INPP5A: variants seen among roughly 807,000 people sequenced by gnomAD.
INPP5A encodes the protein 43 kDa inositol polyphosphate 5-phophatase.
In INPP5A, 14 loss-of-function variants were observed where a neutral mutation model predicts 65.2. The observed-to-expected ratio is 0.21, with a 90% CI of 0.14 to 0.34. The LOEUF (loss-of-function observed/expected upper bound fraction) is 0.34, where lower values mean the gene tolerates loss of function less well. Ranked by LOEUF, INPP5A falls within the 10% of genes least tolerant of loss-of-function variation. INPP5A has a pLI of 1.00. For synonymous variants in INPP5A, 207 were observed against 208.3 expected (o/e 0.99, Z 0.05); for missense variants, 431 against 545.6 (o/e 0.79, Z 2.09).
chr10:132,712,911 CAT>C (rs1845671690), intron 8 of INPP5A, among the ~76,000 whole-genome samples: 1 of 135,550 alleles, frequency 7.4e-6, no homozygotes, highest in South Asian at 2.4e-4. Context: ...TAGGTGTGTG[CAT>C]GTGTGTGGGT....
rs954863735 is a variant in INPP5A at position 132,762,754 on chromosome 10, G to A, written c.904-3019G>A. On this transcript the variant is annotated intron_variant, in intron 11 of 15. Coordinates refer to ENST00000368594, the MANE Select transcript of INPP5A (RefSeq NM_005539.5). The surrounding 1 kb of genome is among the most constrained non-coding windows in gnomAD (Gnocchi z 4.6). ...TGGGCACGGTAGAACACTTGGGGAG[G>A]CCGAGGCAGGAGGATTGCTTGAGGC... is the stretch of plus-strand genomic sequence containing the variant. Among the ~76,000 whole-genome samples, 4 of 152,194 alleles carry A rather than the reference G, an allele frequency of 2.6e-5. No homozygotes were observed. The highest frequency in any genetic ancestry group is 7.2e-5 in the African/African-American group (3 of 41,438).
At chr10:132,635,246 T>TG (rs761052889) in intron 2 of INPP5A, among the ~76,000 whole-genome samples, 1 of 152,212 alleles carries the variant, frequency 6.6e-6, no homozygotes, top group South Asian at 2.1e-4. Flanking sequence ...GTGGTTGAAT[T>TG]GGGGTCTGCC....
chr10:132,601,727 T>G (rs1033161805), intron 1 of INPP5A, among the ~76,000 whole-genome samples: 4 of 152,232 alleles, frequency 2.6e-5, no homozygotes, highest in Admixed American at 2.6e-4. Flanking sequence ...CCCAGCCTCA[T>G]TTGTTGAAAG....
intron 8 of INPP5A, among the ~76,000 whole-genome samples, chr10:132,720,713 A>G (rs1414892830): frequency 1.5e-5 from 2 of 134,650 alleles, no homozygotes; most frequent in Non-Finnish European, 3.1e-5. Context: ...AGCTGTCTTC[A>G]GGGTTCTGTG....
rs181966399 is a variant in INPP5A, at chr10:132,763,605, G to A, written c.904-2168G>A. 2.2e-3 allele frequency among the ~76,000 whole-genome samples: 317 copies of A among 147,082 alleles called. 3 individuals are homozygous for A. Among genetic ancestry groups the A allele is most frequent in the African/African-American group, 6.6e-3 (258 of 39,164 alleles). ...TGTGCACACATAAACATGCCTGCAT[G>A]CAAACACACACATGCCTGTGCACAC... On this transcript the variant is annotated intron_variant, in intron 11 of 15. Transcript: ENST00000368594.
chr10:132,561,485 T>C (rs992547541), intron 1 of INPP5A, among the ~76,000 whole-genome samples: 1 of 152,154 alleles, frequency 6.6e-6, no homozygotes, highest in Non-Finnish European at 1.5e-5. Flanking sequence ...CTTGGCATCC[T>C]TGTTGGAAGT....
At chr10:132,687,759 T>A (rs1300749304) in intron 4 of INPP5A, among the ~76,000 whole-genome samples, 1 of 152,114 alleles carries the variant, frequency 6.6e-6, no homozygotes, top group Non-Finnish European at 1.5e-5. Context: ...AAGCGAGCAC[T>A]CGCACCTGCC....
chr10:132,545,929 G>A lies in INPP5A; in HGVS notation c.75+7758G>A, dbSNP rs1483154359. Among the ~76,000 whole-genome samples, 5 of 152,230 alleles carry A rather than the reference G, an allele frequency of 3.3e-5. No homozygotes were observed. Among genetic ancestry groups the A allele is most frequent in the Non-Finnish European group, 7.3e-5 (5 of 68,044 alleles). On this transcript the variant is annotated intron_variant, in intron 1 of 15. Transcript: ENST00000368594. The surrounding 1 kb of genome is among the most constrained non-coding windows in gnomAD (Gnocchi z 4.6). ...GGCCTGAGGTGATGAGAGTGTGGAT[G>A]GCACCTGCACTGTGTCCACTCTTTA...
intron 4 of INPP5A, among the ~76,000 whole-genome samples, chr10:132,673,962 C>T (rs553987415): frequency 5.3e-5 from 8 of 152,316 alleles, no homozygotes; most frequent in Admixed American, 2.6e-4. Flanking sequence ...CTCATGTTGC[C>T]GAGCCCATGG....
chr10:132,604,963 C>T (rs2133336159), intron 1 of INPP5A, among the ~76,000 whole-genome samples: 1 of 152,264 alleles, frequency 6.6e-6, no homozygotes, highest in East Asian at 1.9e-4. Flanking sequence ...GGTGGCTGTG[C>T]AGACCTGGAA....
At chr10:132,718,394 C>T (rs1476069998) in intron 8 of INPP5A, among the ~76,000 whole-genome samples, 2 of 150,910 alleles carry the variant, frequency 1.3e-5, no homozygotes, top group Non-Finnish European at 3.0e-5. Flanking sequence ...GTCTGGGCGC[C>T]TTAGACGACT....
chr10:132,648,931 A>T (rs375756714), intron 3 of INPP5A, among the ~76,000 whole-genome samples: 15 of 152,070 alleles, frequency 9.9e-5, no homozygotes, highest in Admixed American at 5.9e-4. Flanking sequence ...TTTGGGGAAA[A>T]TTTGTCCTTG....
At chr10:132,709,544 G>T (rs1032887487) in intron 7 of INPP5A, among the ~76,000 whole-genome samples, 2 of 152,160 alleles carry the variant, frequency 1.3e-5, no homozygotes, top group Non-Finnish European at 2.9e-5. Context: ...TTGGCATGGT[G>T]TGGGGGCACA....
chr10:132,773,991 G>A (rs549666762), intron 12 of INPP5A, among the ~76,000 whole-genome samples: 21 of 152,238 alleles, frequency 1.4e-4, no homozygotes, highest in Admixed American at 2.6e-4. Context: ...TAAACTCCTG[G>A]GCTCAAGTGA....
At chr10:132,711,664 T>G (rs1200065898) in intron 8 of INPP5A, among the ~76,000 whole-genome samples, 2 of 152,216 alleles carry the variant, frequency 1.3e-5, no homozygotes, top group African/African-American at 4.8e-5. Flanking sequence ...TCGCCCACCT[T>G]CCAGCAGCTG....
intron 1 of INPP5A, among the ~76,000 whole-genome samples, chr10:132,578,801 C>G (rs1030270224): frequency 6.6e-6 from 1 of 151,488 alleles, no homozygotes; most frequent in African/African-American, 2.4e-5. Flanking sequence ...AGGAGACTCT[C>G]GACGGTGGGC....
intron 8 of INPP5A, among the ~76,000 whole-genome samples, chr10:132,718,094 G>A (rs1352529687): frequency 1.1e-4 from 16 of 147,648 alleles, no homozygotes; most frequent in Non-Finnish European, 4.5e-5. Flanking sequence ...GCCTTAGACG[G>A]CCGTCTTCAG....
At chr10:132,566,383 C>G (rs2133277155) in intron 1 of INPP5A, among the ~76,000 whole-genome samples, 1 of 152,248 alleles carries the variant, frequency 6.6e-6, no homozygotes, top group East Asian at 1.9e-4. Context: ...GCTTATCAGA[C>G]AGAAGGAAAA....
chr10:132,745,785 G>A (rs1346093335), intron 9 of INPP5A, among the ~76,000 whole-genome samples: 1 of 148,986 alleles, frequency 6.7e-6, no homozygotes, highest in Non-Finnish European at 1.5e-5. Context: ...GGCATGGTGG[G>A]CTTCTGGCGT....
Sources: allele counts gnomAD v4.1 joint callset (sites outside exome capture counted in the v4.1 genomes callset), GRCh38; gene constraint gnomAD v4.1.1; non-coding constraint Gnocchi (gnomAD v3.1); transcripts MANE v1.5; gene names NCBI Gene and HGNC (gene_info 2026-07-23, HGNC 2026-07-21).